ISCU: variants seen among roughly 807,000 people sequenced by gnomAD.
ISCU encodes iron-sulfur cluster assembly enzyme, also known as iron-sulfur cluster assembly enzyme ISCU.
ISCU carries 13 observed loss-of-function variants against 18.4 expected under a neutral mutation model. That is an observed-to-expected ratio of 0.71 (90% CI 0.46 to 1.12). ISCU has a LOEUF of 1.12. Ranked by LOEUF, ISCU falls within the 50% of genes most tolerant of loss-of-function variation. ISCU has a pLI of 0.00. For missense variants in ISCU, 229 were observed against 208.7 expected (o/e 1.10, Z -0.60); for synonymous variants, 104 against 87.5 (o/e 1.19, Z -1.06).
At chr12:108,567,961 G>A in intron 4 of ISCU, 1 of 1,469,328 alleles carries the variant, frequency 6.8e-7, no homozygotes. Context: ...TGCATCGATG[G>A]AGGTTTACTA....
intron 3 of ISCU, 111 bp downstream of exon 3, chr12:108,565,542 C>A: frequency 1.4e-6 from 1 of 732,428 alleles, no homozygotes; most frequent in Non-Finnish European, 2.4e-6. Context: ...ATTATCATTT[C>A]TTCAAATTGG....
chr12:108,566,519 A>G (rs1401591539), intron 3 of ISCU, among the ~76,000 whole-genome samples: 1 of 152,354 alleles, frequency 6.6e-6, no homozygotes, highest in East Asian at 1.9e-4. Context: ...TGATAGACAT[A>G]GTCAAAGAGT....
chr12:108,568,977 C>A lies in ISCU; in HGVS notation c.*61C>A. On this transcript the variant is annotated 3_prime_UTR_variant, in exon 5 of 5. Transcript: ENST00000311893. The stretch of plus-strand genomic sequence containing the variant: ...AGCTGTTTCCCACCTGCTGTGCAGT[C>A]ACCTTAGATGTTCAGAAGCCGCTTC... 2 of 1,419,624 alleles carry A rather than the reference C, an allele frequency of 1.4e-6. No homozygotes were observed. The highest frequency in any genetic ancestry group is 1.2e-5 in the South Asian group (1 of 82,890). 87.9% of individuals were successfully genotyped at this position (1,419,624 alleles called of 1,614,324 possible).
At chr12:108,567,119 C>G in intron 3 of ISCU, 71 bp from the exon 4 acceptor site, 1 of 1,210,088 alleles carries the variant, frequency 8.3e-7, no homozygotes, top group Non-Finnish European at 1.2e-6. Flanking sequence ...TTTGGCCTCC[C>G]TTTTTTATTG....
At position 108,568,592 on chromosome 12, in the gene ISCU, G is replaced by A. The variant is rs880844; in HGVS notation, c.419-239G>A. 0.25 allele frequency: 349,784 copies of A among 1,391,868 alleles called. 47,265 individuals are homozygous for A. Among genetic ancestry groups the A allele is most frequent in the East Asian group, 0.49 (17,845 of 36,402 alleles). 86.2% of individuals were successfully genotyped at this position (1,391,868 alleles called of 1,614,324 possible). On this transcript the variant is annotated intron_variant, in intron 4 of 4. Transcript: ENST00000311893. ...AGAAAGTAGGGTCAAAGAGGCTAAGGAACTAGCCTGGGATCACAGATTTTT... is the reference window on the plus strand; with the variant it reads ...AGAAAGTAGGGTCAAAGAGGCTAAGAAACTAGCCTGGGATCACAGATTTTT...
At position 108,565,396 on chromosome 12, in the gene ISCU, A is replaced by G. The variant is rs766774170; in HGVS notation, c.304A>G (p.Ser102Gly). 1.2e-6 allele frequency: 2 copies of G among 1,613,936 alleles called. No individual in the cohort carries two copies. Among genetic ancestry groups the G allele is most frequent in the East Asian group, 2.2e-5 (1 of 44,890 alleles). The stretch of plus-strand genomic sequence containing the variant: ...TGGCTGTGGTTCCGCAATTGCCTCC[A>G]GCTCATTAGCCACTGAATGGGTGAA... Reference protein sequence around the residue: ...TFGCGSAIASSSLATEWVKGK... With the variant: ...TFGCGSAIASGSLATEWVKGK... The change falls in exon 3 of 5, where the codon AGC (serine) becomes GGC (glycine). Residue 102 changes from serine to glycine, a missense_variant. Coordinates refer to ENST00000311893, the MANE Select transcript of ISCU (RefSeq NM_213595.4).
At chr12:108,567,807 C>T in intron 4 of ISCU, 16 of 1,527,104 alleles carry the variant, frequency 1.0e-5, no homozygotes, top group East Asian at 4.9e-5. Flanking sequence ...ACAATGTCCC[C>T]CTCCCTGCTA....
At chr12:108,567,979 T>A (rs2030980384) in intron 4 of ISCU, 1 of 1,518,698 alleles carries the variant, frequency 6.6e-7, no homozygotes, top group Admixed American at 2.0e-5. Flanking sequence ...CTAACCAAAT[T>A]AGTTAAAAAT....
intron 1 of ISCU, chr12:108,563,988 G>C: frequency 9.9e-7 from 1 of 1,009,284 alleles, no homozygotes; most frequent in South Asian, 1.3e-5. Flanking sequence ...ATGTAGGTGG[G>C]TGAAAGTCAA....
In ISCU at chr12:108,564,243, G is replaced by A. The variant is rs370846253; in HGVS notation, c.115-36G>A. On this transcript the variant is annotated intron_variant, in intron 1 of 4. Coordinates refer to ENST00000311893, the MANE Select transcript of ISCU (RefSeq NM_213595.4). ...CAAACCAGAGACCAGTACCAATAGA[G>A]AGTGAACATGATTTATCTTAACCCT... The A allele has an allele frequency of 1.6e-5, 25 of 1,575,174 alleles. No individual in the cohort carries two copies. The African/African-American group carries it at 2.0e-4, about 13-fold the overall frequency.
chr12:108,564,110 G>T (rs751892030), intron 1 of ISCU, 169 bp from the exon 2 acceptor site: 13 of 1,613,348 alleles, frequency 8.1e-6, no homozygotes, highest in South Asian at 3.3e-5. Flanking sequence ...GGAATTGGGG[G>T]TCACAAATGG....
In ISCU at chr12:108,564,392, G is replaced by A. The variant is rs1302803774; in HGVS notation, c.228G>A (p.Gln76=). The change falls in exon 2 of 5, where the codon CAG becomes CAA. Residue 76 remains glutamine (Q), a splice_region_variant and synonymous_variant. Coordinates refer to ENST00000311893, the MANE Select transcript of ISCU (RefSeq NM_213595.4). ...CATGTGGTGACGTAATGAAATTACAGGTATGGCTAGTCTTTTTTAATAGTG... is the reference window on the plus strand; with the variant it reads ...CATGTGGTGACGTAATGAAATTACAAGTATGGCTAGTCTTTTTTAATAGTG... ...APACGDVMKL[Q]IQVDEKGKIV... The A allele has an allele frequency of 6.3e-7, 1 of 1,592,960 alleles. No homozygotes were observed. The highest frequency in any genetic ancestry group is 2.2e-5 in the East Asian group (1 of 44,768).
chr12:108,562,689 C>A lies in ISCU; in HGVS notation c.67C>A (p.Leu23Met). 6.7e-7 allele frequency: 1 copy of A among 1,483,506 alleles called. No individual in the cohort carries two copies. The allele number at this position is 1,483,506 out of a possible 1,614,324, so 91.9% of individuals were successfully genotyped here. A position where few individuals can be genotyped will look rare whatever the true frequency, so the allele number is the denominator to read the frequency against. ...GGCTCTGCTGCTGCGGAGCCCCCGC[C>A]TGCCCGCCCGGGAGCTGTCGGCCCC... ...ASALLLRSPR[L>M]PARELSAPAR... The change falls in exon 1 of 5, where the codon CTG becomes ATG. Residue 23 changes from leucine to methionine, a missense_variant. Physicochemically the swap from Leu to Met is conservative, Grantham distance 15 (BLOSUM62 2). Transcript: ENST00000311893.
At chr12:108,568,107 G>C (rs2030986376) in intron 4 of ISCU, 1 of 1,372,608 alleles carries the variant, frequency 7.3e-7, no homozygotes, top group African/African-American at 1.5e-5. Flanking sequence ...CTTTCCACTT[G>C]ATCTGGAATT....
At chr12:108,565,974 T>G (rs2030879086) in intron 3 of ISCU, among the ~76,000 whole-genome samples, 1 of 152,238 alleles carries the variant, frequency 6.6e-6, no homozygotes, top group Non-Finnish European at 1.5e-5. Flanking sequence ...GAACTTCTTT[T>G]TCATCCCTTT....
At position 108,567,821 on chromosome 12, in the gene ISCU, T is replaced by TA. The variant is rs201531720; in HGVS notation, c.418+561dup. The TA allele has an allele frequency of 1.4e-3, 2,186 of 1,516,070 alleles. 23 individuals are homozygous for TA. The Middle Eastern group carries it at 0.041, about 28-fold the overall frequency. 93.9% of individuals were successfully genotyped at this position (1,516,070 alleles called of 1,614,324 possible). A position where few individuals can be genotyped will look rare whatever the true frequency, so the allele number is the denominator to read the frequency against. On this transcript the variant is annotated intron_variant, in intron 4 of 4. Transcript: ENST00000311893. ...TACAATGTCCCCCTCCCTGCTATCC[T>TA]AAAAAAAAGCCCAGATGCCTTAAGA... is the stretch of plus-strand genomic sequence containing the variant.
Position 108,569,255 on chromosome 12 carries a change from G to A in ISCU, c.*339G>A. On this transcript the variant is annotated 3_prime_UTR_variant, in exon 5 of 5. Coordinates refer to ENST00000311893, the MANE Select transcript of ISCU (RefSeq NM_213595.4). ...AATTTTACCTGAATTGATTTGGGGGGAAATTACCAGTAGAATGCCTTGGTC... is the reference window on the plus strand; with the variant it reads ...AATTTTACCTGAATTGATTTGGGGGAAAATTACCAGTAGAATGCCTTGGTC... 3.3e-6 allele frequency: 1 copy of A among 307,644 alleles called. No individual in the cohort carries two copies. The highest frequency in any genetic ancestry group is 6.3e-6 in the Non-Finnish European group (1 of 158,900). The allele number at this position is 307,644 out of a possible 1,614,324, so 19.1% of individuals were successfully genotyped here.
chr12:108,569,226 A>C lies in ISCU; in HGVS notation c.*310A>C. ...TTGATAGCCCGTGAAGTGCATAAGT[A>C]TCTAATTTTACCTGAATTGATTTGG... On this transcript the variant is annotated 3_prime_UTR_variant, in exon 5 of 5. Coordinates refer to ENST00000311893, the MANE Select transcript of ISCU (RefSeq NM_213595.4). 2.8e-6 allele frequency: 1 copy of C among 361,508 alleles called. No individual in the cohort carries two copies. The highest frequency in any genetic ancestry group is 2.8e-5 in the South Asian group (1 of 35,286). The allele number at this position is 361,508 out of a possible 1,614,324, so 22.4% of individuals were successfully genotyped here.
chr12:108,567,876 G>C, intron 4 of ISCU: 1 of 1,441,172 alleles, frequency 6.9e-7, no homozygotes, highest in Non-Finnish European at 9.4e-7. Context: ...TTTGGTCTCT[G>C]TATTAAATCT....
Sources: gnomAD v4.1 joint callset for allele counts (sites outside exome capture counted in the v4.1 genomes callset) on GRCh38, gnomAD v4.1.1 for gene constraint, MANE v1.5 for transcripts, NCBI Gene and HGNC (gene_info 2026-07-23, HGNC 2026-07-21) for gene names.